The following ANKRD28 variants were observed in gnomAD, a reference collection of about 807,000 sequenced individuals.
ANKRD28 encodes ankyrin repeat domain 28.
A neutral mutation model predicts 126.5 loss-of-function variants in ANKRD28; 44 were observed. The ratio of observed to expected loss-of-function variants is 0.35; its 90% CI spans 0.27 to 0.45. The LOEUF is 0.45. Among genes scored for constraint, ANKRD28 ranks in the 20% least tolerant of loss-of-function variants. The pLI, the probability that ANKRD28 is intolerant of heterozygous loss-of-function variation, is 1.00. For synonymous variants in ANKRD28, 442 were observed against 468.5 expected, an observed-to-expected ratio of 0.94 and a Z score of 0.73; for missense variants, 1,110 against 1,316.6, an observed-to-expected ratio of 0.84 and a Z score of 2.43.
chr3:15,810,860 G>A (rs1575750009), intron 1 of ANKRD28, among the ~76,000 whole-genome samples: 1 of 152,118 alleles, frequency 6.6e-6, no homozygotes, highest in East Asian at 1.9e-4. Flanking sequence ...CACTGCCTAT[G>A]TGAAGACTCA....
rs138798839 is a variant in ANKRD28, at chr3:15,839,725, G to A, written c.27+19652C>T. Among the ~76,000 whole-genome samples, 13 of 152,218 alleles carry A rather than the reference G, an allele frequency of 8.5e-5. No homozygotes were observed. Among genetic ancestry groups the A allele is most frequent in the African/African-American group, 1.4e-4 (6 of 41,534 alleles). ...CATGACCAAGTGGGACTTATCCCCC[G>A]AGGGATGCAAGGATGGTTCAACACA... On this transcript the variant is annotated intron_variant, in intron 1 of 27. Coordinates refer to the ANKRD28 transcript ENST00000399451. This position sits in a 1 kb window ranked among gnomAD's most constrained non-coding sequence, Gnocchi z 4.3.
At chr3:15,787,377 G>A (rs1301301660) in intron 2 of ANKRD28, among the ~76,000 whole-genome samples, 6 of 152,116 alleles carry the variant, frequency 3.9e-5, no homozygotes, top group African/African-American at 1.4e-4. Context: ...CAACATTGAC[G>A]AAGATAATTT....
intron 3 of ANKRD28, among the ~76,000 whole-genome samples, chr3:15,758,738 C>G (rs1197727252): frequency 6.6e-6 from 1 of 152,134 alleles, no homozygotes; most frequent in Non-Finnish European, 1.5e-5. Flanking sequence ...AAATAAATTT[C>G]TATTGTTTAA....
chr3:15,679,376 T>C lies in ANKRD28; in HGVS notation c.2486A>G (p.Asp829Gly). ...FSPLHCAVIN[D>G]NEGAAEMLID... ...TAACATCTCAGCAGCACCTTCGTTG[T>C]CATTTATCCTGTGTAAGGTAACAAG... The change falls in exon 23 of 28, where the codon GAC (aspartate) becomes GGC (glycine). Residue 829 changes from aspartate (D) to glycine (G), a missense_variant. Physicochemically the swap from Asp to Gly is moderately conservative, Grantham distance 94. Transcript: ENST00000683139. The C allele has an allele frequency of 6.2e-7, 1 of 1,613,994 alleles. No individual in the cohort carries two copies. The highest frequency in any genetic ancestry group is 8.5e-7 in the Non-Finnish European group (1 of 1,179,852).
At chr3:15,827,649 A>G (rs1354815553) in intron 1 of ANKRD28, among the ~76,000 whole-genome samples, 1 of 152,176 alleles carries the variant, frequency 6.6e-6, no homozygotes, top group African/African-American at 2.4e-5. Context: ...AGAAGAAAAC[A>G]CAGGGGAAAA....
At chr3:15,727,927 G>A (rs2074298970) in intron 6 of ANKRD28, among the ~76,000 whole-genome samples, 1 of 152,170 alleles carries the variant, frequency 6.6e-6, no homozygotes, top group Admixed American at 6.5e-5. Flanking sequence ...TTAGAGAAAT[G>A]ACTCCAATTT....
chr3:15,678,371 T>C lies in ANKRD28; in HGVS notation c.2562-17A>G, dbSNP rs373040079. 3 of 1,579,600 alleles carry C rather than the reference T, an allele frequency of 1.9e-6. No homozygotes were observed. Among genetic ancestry groups the C allele is most frequent in the East Asian group, 2.2e-5 (1 of 44,490 alleles). On this transcript the variant is annotated splice_polypyrimidine_tract_variant and intron_variant, in intron 23 of 27. Coordinates refer to ENST00000683139, the MANE Select transcript of ANKRD28 (RefSeq NM_001349278.2). ...AGAGGAGTTCTGTGATAAAGAAAAA[T>C]TGAAATATATGACTAAATTTGAATG... is the stretch of plus-strand genomic sequence containing the variant.
intron 2 of ANKRD28, among the ~76,000 whole-genome samples, chr3:15,769,817 G>C (rs1423959848): frequency 6.6e-6 from 1 of 152,134 alleles, no homozygotes; most frequent in Non-Finnish European, 1.5e-5. Flanking sequence ...AATTGGGTAT[G>C]GCTGAGACAA....
Position 15,724,633 on chromosome 3 carries a change from T to G in ANKRD28, c.641-109A>C, listed in dbSNP as rs1575401014. ...TAAAAAATGCAAAATAGATGATGCA[T>G]GACAAGTCATCAATGAATCATGTTA... is the stretch of plus-strand genomic sequence containing the variant. On this transcript the variant is annotated intron_variant, in intron 6 of 27. Transcript: ENST00000683139. 4 of 986,928 alleles carry G rather than the reference T, an allele frequency of 4.1e-6. No individual in the cohort carries two copies. In the East Asian group the frequency reaches 1.1e-4, roughly 26 times the overall value. 61.1% of individuals were successfully genotyped at this position (986,928 alleles called of 1,614,324 possible).
upstream of ANKRD28, among the ~76,000 whole-genome samples, chr3:15,800,173 C>G (rs2060435677): frequency 6.6e-6 from 1 of 152,000 alleles, no homozygotes; most frequent in Non-Finnish European, 1.5e-5. Flanking sequence ...CTTAAATTCC[C>G]TAAGCCTAAA....
At chr3:15,779,513 C>G (rs2059445445) in intron 2 of ANKRD28, among the ~76,000 whole-genome samples, 1 of 152,086 alleles carries the variant, frequency 6.6e-6, no homozygotes, top group African/African-American at 2.4e-5. Flanking sequence ...ACAATATGGA[C>G]AAAAAACTAA....
chr3:15,712,300 C>T (rs545600059), intron 10 of ANKRD28, 78 bp from the exon 11 acceptor site: 45 of 1,176,218 alleles, frequency 3.8e-5, no homozygotes, highest in Non-Finnish European at 5.5e-5. Flanking sequence ...TACAAAGAGA[C>T]CACTTAAGTG....
intron 25 of ANKRD28, among the ~76,000 whole-genome samples, chr3:15,677,270 A>G (rs2067038387): frequency 6.6e-6 from 1 of 152,190 alleles, no homozygotes; most frequent in Admixed American, 6.5e-5. Context: ...GAGGATAATT[A>G]TGCTTAGACT....
At chr3:15,751,229 A>G (rs1479803377) in intron 4 of ANKRD28, among the ~76,000 whole-genome samples, 4 of 152,208 alleles carry the variant, frequency 2.6e-5, no homozygotes, top group Non-Finnish European at 5.9e-5. Context: ...TATCTCAACA[A>G]GCAAACAATA....
intron 3 of ANKRD28, among the ~76,000 whole-genome samples, chr3:15,760,670 T>G (rs2058411564): frequency 6.6e-6 from 1 of 152,138 alleles, no homozygotes. Context: ...AAAGAAAAGT[T>G]ACAAGAAAGA....
At chr3:15,687,210 T>C (rs1248121224) in intron 18 of ANKRD28, among the ~76,000 whole-genome samples, 1 of 152,090 alleles carries the variant, frequency 6.6e-6, no homozygotes, top group African/African-American at 2.4e-5. Context: ...CCCAAAGTGC[T>C]GGGATTACAG....
chr3:15,794,017 C>T (rs1459426957), intron 2 of ANKRD28, among the ~76,000 whole-genome samples: 2 of 152,138 alleles, frequency 1.3e-5, no homozygotes, highest in African/African-American at 4.8e-5. Context: ...TTGCAGTGAG[C>T]GGAGATCATG....
chr3:15,695,128 T>C, intron 16 of ANKRD28, 60 bp downstream of exon 16: 1 of 1,332,728 alleles, frequency 7.5e-7, no homozygotes, highest in Non-Finnish European at 1.1e-6. Context: ...CAGATAAACA[T>C]AACTGGTAGG....
rs965536416 is a variant in ANKRD28 at position 15,858,896 on chromosome 3, C to G, written c.27+481G>C. Among the ~76,000 whole-genome samples the G allele has an allele frequency of 4.6e-5, 7 of 152,214 alleles. No individual in the cohort carries two copies. In the East Asian group the frequency reaches 1.3e-3, roughly 29 times the overall value. Reference sequence around the variant, plus strand: ...TGTCAAAAGAAAACAAGTCTGGAAACTTGCATTGAGTAACTAGTCGCTAAG... The same window carrying G: ...TGTCAAAAGAAAACAAGTCTGGAAAGTTGCATTGAGTAACTAGTCGCTAAG... On this transcript the variant is annotated intron_variant, in intron 1 of 27. Transcript: ENST00000399451.
Sources: allele counts gnomAD v4.1 joint callset (sites outside exome capture counted in the v4.1 genomes callset), GRCh38; gene constraint gnomAD v4.1.1; non-coding constraint Gnocchi (gnomAD v3.1); transcripts MANE v1.5; gene names NCBI Gene and HGNC (gene_info 2026-07-23, HGNC 2026-07-21).